Variants in TMEM39A observed in about 807,000 individuals in gnomAD.
TMEM39A encodes the protein transmembrane protein 39A, also known as suppressor of SQST-1 aggregates in rpl-43 mutants.
A neutral mutation model predicts 51.9 loss-of-function variants in TMEM39A; 19 were observed. The observed-to-expected ratio is 0.37, with a 90% confidence interval of 0.26 to 0.54. The LOEUF is 0.54. Among genes scored for constraint, TMEM39A ranks in the 20% least tolerant of loss-of-function variants. The probability of loss-of-function intolerance (pLI) is 0.88; values close to 1 mark genes in which losing one functional copy is unlikely to be tolerated. For missense variants in TMEM39A, 433 were observed against 590.5 expected, an observed-to-expected ratio of 0.73 and a Z score of 2.76; for synonymous variants, 197 against 220.2, an observed-to-expected ratio of 0.89 and a Z score of 0.93.
chr3:119,451,552 C>A (rs1487722157), intron 4 of TMEM39A, among the ~76,000 whole-genome samples: 1 of 152,112 alleles, frequency 6.6e-6, no homozygotes, highest in Admixed American at 6.5e-5. Flanking sequence ...AAAATGAGGC[C>A]AGGCATGGTG....
chr3:119,450,661 A>C (rs368734443), intron 4 of TMEM39A, among the ~76,000 whole-genome samples: 1 of 151,870 alleles, frequency 6.6e-6, no homozygotes, highest in East Asian at 1.9e-4. Context: ...GTCTCTACTA[A>C]AAACACAAAA....
intron 7 of TMEM39A, among the ~76,000 whole-genome samples, chr3:119,436,143 G>A (rs909075595): frequency 2.0e-5 from 3 of 152,140 alleles, no homozygotes; most frequent in African/African-American, 4.8e-5. Context: ...AGAATAAAAC[G>A]GTCCTAATGT....
chr3:119,453,913 C>G (rs531804839), intron 3 of TMEM39A, among the ~76,000 whole-genome samples: 32 of 152,214 alleles, frequency 2.1e-4, no homozygotes, highest in African/African-American at 7.5e-4. Context: ...AAAACAGTAA[C>G]AAATAATGAC....
Position 119,442,637 on chromosome 3 carries a change from C to G in TMEM39A, c.575+4381G>C, listed in dbSNP as rs182494306. On this transcript the variant is annotated intron_variant, in intron 5 of 8. Coordinates refer to ENST00000319172, the MANE Select transcript of TMEM39A (RefSeq NM_018266.3). ...ACATTTGTGATTTATGAGAGGAGGTCAAAATATCAACACGAGCAAATGTGG... is the reference window on the plus strand; with the variant it reads ...ACATTTGTGATTTATGAGAGGAGGTGAAAATATCAACACGAGCAAATGTGG... Among the ~76,000 whole-genome samples the G allele has an allele frequency of 2.6e-5, 4 of 152,250 alleles. No individual in the cohort carries two copies. The East Asian group carries it at 7.7e-4, about 29-fold the overall frequency.
At chr3:119,434,366 C>T (rs926868481) in intron 8 of TMEM39A, among the ~76,000 whole-genome samples, 5 of 151,958 alleles carry the variant, frequency 3.3e-5, no homozygotes, top group Admixed American at 6.6e-5. Context: ...ATAAAACCAC[C>T]GCACTATTAA....
chr3:119,447,624 A>T (rs1032475726), intron 4 of TMEM39A, among the ~76,000 whole-genome samples: 6 of 148,424 alleles, frequency 4.0e-5, no homozygotes, highest in African/African-American at 4.9e-5. Context: ...TTTATTTTTA[A>T]TTTTTTTTTT....
In TMEM39A at chr3:119,453,264, C is replaced by T. The variant is rs539319697; in HGVS notation, c.337-734G>A. ...AATGAAACATTAAATTTCTTGATTA[C>T]TTAATTTAATAAATCTATACATAGC... On this transcript the variant is annotated intron_variant, in intron 3 of 8. Coordinates refer to ENST00000319172, the MANE Select transcript of TMEM39A (RefSeq NM_018266.3). Among the ~76,000 whole-genome samples, 25 of 152,302 alleles carry T rather than the reference C, an allele frequency of 1.6e-4. 1 individual carries two copies. The South Asian group carries it at 4.3e-3, about 26-fold the overall frequency.
intron 3 of TMEM39A, among the ~76,000 whole-genome samples, chr3:119,455,615 G>T (rs1305148046): frequency 3.3e-5 from 5 of 152,192 alleles, no homozygotes; most frequent in African/African-American, 1.2e-4. Flanking sequence ...ATTTTTGGTG[G>T]TAAGGGTCAA....
In TMEM39A at chr3:119,447,183, G is replaced by T; in HGVS notation, c.421-11C>A. ...ACCTGCCTTAGTAGCCTGAAAGTTT[G>T]GAAGCACCAAAATGAACATTTTGTA... On this transcript the variant is annotated splice_polypyrimidine_tract_variant and intron_variant, in intron 4 of 8. Transcript: ENST00000319172. 6.2e-7 allele frequency: 1 copy of T among 1,604,608 alleles called. No homozygotes were observed. The highest frequency in any genetic ancestry group is 1.7e-5 in the Admixed American group (1 of 58,032).
At chr3:119,460,798 T>A (rs889161147) in intron 2 of TMEM39A, among the ~76,000 whole-genome samples, 2 of 151,628 alleles carry the variant, frequency 1.3e-5, no homozygotes, top group African/African-American at 4.8e-5. Context: ...AGATTTTCTA[T>A]CACAATTTGA....
chr3:119,437,128 A>G (rs2080980426), intron 6 of TMEM39A, 150 bp from the exon 7 acceptor site: 5 of 613,814 alleles, frequency 8.1e-6, no homozygotes, highest in Non-Finnish European at 1.3e-5. Flanking sequence ...GTTCAAGAGC[A>G]GAGTCCTCCA....
chr3:119,457,402 C>T (rs186559987), intron 3 of TMEM39A, among the ~76,000 whole-genome samples: 11 of 152,312 alleles, frequency 7.2e-5, no homozygotes, highest in African/African-American at 2.4e-4. Context: ...TCACTATGTA[C>T]CCAGCTAAAG....
intron 4 of TMEM39A, among the ~76,000 whole-genome samples, chr3:119,451,043 T>C (rs1479035661): frequency 1.3e-5 from 2 of 152,158 alleles, no homozygotes; most frequent in Non-Finnish European, 2.9e-5. Flanking sequence ...TCATTTCCTA[T>C]TTTAACAAAT....
intron 4 of TMEM39A, 89 bp downstream of exon 4, chr3:119,452,358 A>T: frequency 1.1e-6 from 1 of 888,426 alleles, no homozygotes; most frequent in Non-Finnish European, 1.8e-6. Flanking sequence ...TTGTTTCATT[A>T]AATGGGGACA....
intron 4 of TMEM39A, among the ~76,000 whole-genome samples, chr3:119,450,956 G>A (rs1178309059): frequency 6.6e-6 from 1 of 151,582 alleles, no homozygotes; most frequent in Non-Finnish European, 1.5e-5. Context: ...CAGTTTTGAA[G>A]GGTTACACAC....
At chr3:119,449,019 TAGG>T (rs2081164201) in intron 4 of TMEM39A, among the ~76,000 whole-genome samples, 1 of 152,140 alleles carries the variant, frequency 6.6e-6, no homozygotes, top group African/African-American at 2.4e-5. Context: ...ATGAGTGCTA[TAGG>T]AAGAGTAGGC....
At chr3:119,460,712 C>T (rs972095557) in intron 2 of TMEM39A, among the ~76,000 whole-genome samples, 23 of 152,016 alleles carry the variant, frequency 1.5e-4, no homozygotes, top group African/African-American at 5.1e-4. Context: ...TCAAAGAGAA[C>T]GAACAAAGAA....
At chr3:119,442,922 C>T (rs745859119) in intron 5 of TMEM39A, among the ~76,000 whole-genome samples, 33 of 151,842 alleles carry the variant, frequency 2.2e-4, no homozygotes, top group African/African-American at 7.5e-4. Context: ...AAAAATTAGC[C>T]GGGTGTGGTG....
intron 8 of TMEM39A, 91 bp from the exon 9 acceptor site, chr3:119,432,305 A>G: frequency 2.3e-6 from 2 of 857,474 alleles, no homozygotes. Flanking sequence ...ATAATTTAAC[A>G]TTTACAGGTT....
Sources: allele counts gnomAD v4.1 joint callset (sites outside exome capture counted in the v4.1 genomes callset), GRCh38; gene constraint gnomAD v4.1.1; transcripts MANE v1.5; gene names NCBI Gene and HGNC (gene_info 2026-07-23, HGNC 2026-07-21).